TCF4: variants seen among roughly 807,000 people sequenced by gnomAD.
TCF4 encodes SL3-3 enhancer factor 2.
Under a neutral mutation model 82.1 loss-of-function variants are expected in TCF4, and 3 were observed. That is an observed-to-expected ratio of 0.04 (90% CI 0.02 to 0.09). TCF4 has a LOEUF of 0.09. TCF4 is among the 10% of genes least tolerant of loss of function. TCF4 has a pLI of 1.00. For synonymous variants in TCF4, 276 were observed against 309.6 expected (o/e 0.89, Z 1.14); for missense variants, 518 against 852.7 (o/e 0.61, Z 4.89).
chr18:55,597,943 G>A (rs2097692862), intron 2 of TCF4, among the ~76,000 whole-genome samples: 1 of 152,148 alleles, frequency 6.6e-6, no homozygotes, highest in African/African-American at 2.4e-5. Context: ...ACATTGAGCA[G>A]TTTGTCTATG....
At chr18:55,299,140 G>A (rs910482206) in intron 8 of TCF4, among the ~76,000 whole-genome samples, 2 of 152,206 alleles carry the variant, frequency 1.3e-5, no homozygotes, top group African/African-American at 4.8e-5. Context: ...GCCAGGTGTG[G>A]TGGCTCACGC....
At chr18:55,312,273 A>G (rs1215690343) in intron 8 of TCF4, among the ~76,000 whole-genome samples, 1 of 152,238 alleles carries the variant, frequency 6.6e-6, no homozygotes, top group Non-Finnish European at 1.5e-5. Context: ...ATTTAAACAG[A>G]CCAACTGAAC....
intron 2 of TCF4, among the ~76,000 whole-genome samples, chr18:55,621,527 TATAATATATATA>T (rs2097718818): frequency 3.4e-5 from 1 of 29,298 alleles, no homozygotes; most frequent in Non-Finnish European, 5.7e-5. Context: ...TATAATATTA[TATAATATATATA>T]TTATATTATA....
chr18:55,631,484 T>G (rs1339073968), intron 1 of TCF4: 6 of 1,369,868 alleles, frequency 4.4e-6, no homozygotes, highest in Non-Finnish European at 5.9e-6. Context: ...AATGATAATG[T>G]TTTGGGTTAG....
At chr18:55,249,467 T>G (rs1050819012) in intron 15 of TCF4, among the ~76,000 whole-genome samples, 1 of 152,104 alleles carries the variant, frequency 6.6e-6, no homozygotes, top group Non-Finnish European at 1.5e-5. Context: ...TGGGGTGAGT[T>G]GCACATGACT....
chr18:55,430,817 G>C (rs1169541909), intron 5 of TCF4, among the ~76,000 whole-genome samples: 3 of 152,112 alleles, frequency 2.0e-5, no homozygotes, highest in Non-Finnish European at 2.9e-5. Flanking sequence ...TAGTTTTTTG[G>C]GAAAGTTGCT....
chr18:55,407,184 G>A (rs533809226), intron 5 of TCF4, among the ~76,000 whole-genome samples: 8 of 152,184 alleles, frequency 5.3e-5, no homozygotes, highest in Middle Eastern at 6.8e-3. Flanking sequence ...TTTTGCTGCT[G>A]GTGACGATTT....
chr18:55,432,883 C>T (rs2095242510), intron 5 of TCF4, among the ~76,000 whole-genome samples: 1 of 152,218 alleles, frequency 6.6e-6, no homozygotes, highest in South Asian at 2.1e-4. Flanking sequence ...AACAGGTCTA[C>T]ACTCATCAGC....
At chr18:55,427,534 A>G (rs952554479) in intron 5 of TCF4, among the ~76,000 whole-genome samples, 1 of 152,208 alleles carries the variant, frequency 6.6e-6, no homozygotes, top group Non-Finnish European at 1.5e-5. Flanking sequence ...CCTGTTTCCA[A>G]TGAACTGAGA....
chr18:55,518,683 A>G (rs1252213886), intron 3 of TCF4, among the ~76,000 whole-genome samples: 1 of 152,208 alleles, frequency 6.6e-6, no homozygotes, highest in Non-Finnish European at 1.5e-5. Flanking sequence ...AATTGTGTGA[A>G]TATATACGAA....
At chr18:55,315,226 C>CT (rs2073811213) in intron 8 of TCF4, among the ~76,000 whole-genome samples, 1 of 152,092 alleles carries the variant, frequency 6.6e-6, no homozygotes, top group African/African-American at 2.4e-5. Flanking sequence ...CTTTAGCCCC[C>CT]CTTTTTTAGG....
intron 3 of TCF4, among the ~76,000 whole-genome samples, chr18:55,485,475 G>A (rs1311330384): frequency 5.3e-5 from 8 of 152,086 alleles, no homozygotes; most frequent in Admixed American, 5.2e-4. Context: ...GTCCACAGAA[G>A]CATCATTTTC....
chr18:55,336,177 T>A (rs1413021538), intron 8 of TCF4, among the ~76,000 whole-genome samples: 6 of 152,088 alleles, frequency 3.9e-5, no homozygotes, highest in African/African-American at 1.4e-4. Context: ...AAATCACATT[T>A]CCATCCTATG....
intron 3 of TCF4, among the ~76,000 whole-genome samples, chr18:55,486,861 A>G (rs912570287): frequency 6.6e-5 from 10 of 152,178 alleles, no homozygotes; most frequent in African/African-American, 2.4e-4. Context: ...ACCTCACTCA[A>G]TGTAACTAAC....
chr18:55,331,267 G>T (rs1858759024), intron 8 of TCF4, among the ~76,000 whole-genome samples: 1 of 152,162 alleles, frequency 6.6e-6, no homozygotes, highest in Non-Finnish European at 1.5e-5. Flanking sequence ...CAGATCTGCA[G>T]CTCTCTGTGA....
chr18:55,453,471 C>A (rs2095666920), intron 5 of TCF4, among the ~76,000 whole-genome samples: 1 of 152,182 alleles, frequency 6.6e-6, no homozygotes, highest in African/African-American at 2.4e-5. Context: ...GATTTATCTT[C>A]TCTTTGGGTC....
intron 8 of TCF4, among the ~76,000 whole-genome samples, chr18:55,347,133 C>G (rs2081343331): frequency 1.3e-5 from 2 of 152,052 alleles, no homozygotes; most frequent in South Asian, 4.1e-4. Flanking sequence ...GATTCAAGAG[C>G]TTAGACATGC....
intron 8 of TCF4, among the ~76,000 whole-genome samples, chr18:55,300,989 G>T (rs1601900292): frequency 6.6e-6 from 1 of 152,196 alleles, no homozygotes; most frequent in Admixed American, 6.5e-5. Flanking sequence ...GCAGATCACA[G>T]GCCCAGAGCA....
At chr18:55,629,668 T>G (rs1175152683) in intron 2 of TCF4, among the ~76,000 whole-genome samples, 1 of 152,220 alleles carries the variant, frequency 6.6e-6, no homozygotes, top group Non-Finnish European at 1.5e-5. Context: ...TATAGTATTG[T>G]GCTTGAAGCC....
Sources: gnomAD v4.1 joint callset for allele counts (sites outside exome capture counted in the v4.1 genomes callset) on GRCh38, gnomAD v4.1.1 for gene constraint, MANE v1.5 for transcripts, NCBI Gene and HGNC (gene_info 2026-07-23, HGNC 2026-07-21) for gene names.